RAPGEF5: variants seen among roughly 807,000 people sequenced by gnomAD.
RAPGEF5 encodes Rap guanine nucleotide exchange factor 5.
In RAPGEF5, 65 loss-of-function variants were observed where a neutral mutation model predicts 125.2. The ratio of observed to expected loss-of-function variants is 0.52; its 90% confidence interval spans 0.43 to 0.64. The LOEUF (loss-of-function observed/expected upper bound fraction) is 0.64, where lower values mean the gene tolerates loss of function less well. Ranked by LOEUF, RAPGEF5 falls within the 30% of genes least tolerant of loss-of-function variation. RAPGEF5 has a pLI of 0.00. For missense variants in RAPGEF5, 958 were observed against 1,048.1 expected (o/e 0.91, Z 1.19); for synonymous variants, 391 against 385.9 (o/e 1.01, Z -0.16).
intron 7 of RAPGEF5, among the ~76,000 whole-genome samples, chr7:22,244,974 C>T (rs541730987): frequency 7.2e-5 from 11 of 152,288 alleles, no homozygotes; most frequent in African/African-American, 2.4e-4. Context: ...TTCATATCCT[C>T]GTCAATACTT....
chr7:22,239,385 A>C (rs191507898), intron 7 of RAPGEF5, among the ~76,000 whole-genome samples: 1 of 152,168 alleles, frequency 6.6e-6, no homozygotes, highest in African/African-American at 2.4e-5. Context: ...GGTGTGCTGT[A>C]TGTTCGGGAA....
intron 24 of RAPGEF5, among the ~76,000 whole-genome samples, chr7:22,126,179 C>G (rs1782739226): frequency 6.6e-6 from 1 of 152,016 alleles, no homozygotes; most frequent in African/African-American, 2.4e-5. Context: ...CAGTAGCACC[C>G]AATCCGGGTT....
At chr7:22,317,434 G>T (rs1387407168) in intron 2 of RAPGEF5, among the ~76,000 whole-genome samples, 21 of 151,766 alleles carry the variant, frequency 1.4e-4, no homozygotes, top group African/African-American at 4.1e-4. Flanking sequence ...TAGAGATGGG[G>T]TTTCACCGTG....
intron 17 of RAPGEF5, among the ~76,000 whole-genome samples, chr7:22,151,836 T>G (rs1783640169): frequency 6.6e-6 from 1 of 152,226 alleles, no homozygotes; most frequent in Admixed American, 6.5e-5. Flanking sequence ...TTGTGTTTCT[T>G]AACTAGTAGG....
intron 1 of RAPGEF5, among the ~76,000 whole-genome samples, chr7:22,320,912 T>A (rs975128382): frequency 2.0e-5 from 3 of 152,182 alleles, no homozygotes; most frequent in Non-Finnish European, 2.9e-5. Flanking sequence ...CAATCTTAGA[T>A]GGCTGGTCAC....
At chr7:22,301,846 A>G (rs1473488610) in intron 5 of RAPGEF5, among the ~76,000 whole-genome samples, 1 of 152,116 alleles carries the variant, frequency 6.6e-6, no homozygotes, top group Non-Finnish European at 1.5e-5. Flanking sequence ...TTTCTCAGGA[A>G]ATAATTTTGG....
intron 9 of RAPGEF5, among the ~76,000 whole-genome samples, chr7:22,206,604 G>A (rs1785402146): frequency 6.6e-6 from 1 of 151,292 alleles, no homozygotes; most frequent in South Asian, 2.1e-4. Context: ...TCTGGAGGCT[G>A]AGGTGGGAGG....
intron 1 of RAPGEF5, among the ~76,000 whole-genome samples, chr7:22,354,280 A>G (rs1252878228): frequency 6.6e-6 from 1 of 152,140 alleles, no homozygotes; most frequent in African/African-American, 2.4e-5. Context: ...AACTCATGTA[A>G]TGCACAAAGC....
intron 5 of RAPGEF5, 133 bp from the exon 6 acceptor site, chr7:22,291,374 GT>G: frequency 7.3e-7 from 1 of 1,363,794 alleles, no homozygotes; most frequent in Non-Finnish European, 9.6e-7. Context: ...AATAACAAAG[GT>G]TGTGACAGTA....
intron 20 of RAPGEF5, 52 bp from the exon 21 acceptor site, chr7:22,140,167 G>A: frequency 6.8e-7 from 1 of 1,466,836 alleles, no homozygotes; most frequent in Non-Finnish European, 9.3e-7. Flanking sequence ...TCTTTCCCCA[G>A]ATAATCACAA....
Position 22,154,588 on chromosome 7 carries a change from A to G in RAPGEF5, c.1653T>C (p.Tyr551=), listed in dbSNP as rs1210696814. 1.2e-6 allele frequency: 2 copies of G among 1,613,388 alleles called. No individual in the cohort carries two copies. The highest frequency in any genetic ancestry group is 1.3e-5 in the African/African-American group (1 of 74,910). Residue 551 remains tyrosine, a synonymous_variant, in exon 17 of 26, where the codon TAT becomes TAC. Transcript: ENST00000665637. ...TETEEIFCHV[Y]ITEHSYVSVK... ...CACTGACATAGGAGTGCTCTGTTAT[A>G]TACACGTGGCAGAAAACTGCACAAG... is the stretch of plus-strand genomic sequence containing the variant.
At chr7:22,137,007 A>G in intron 21 of RAPGEF5, 24 bp from the exon 22 acceptor site, 1 of 1,529,048 alleles carries the variant, frequency 6.5e-7, no homozygotes, top group Non-Finnish European at 8.9e-7. Context: ...ACAAACAAAA[A>G]ACAGAAGGTC....
intron 11 of RAPGEF5, among the ~76,000 whole-genome samples, chr7:22,180,638 T>C (rs1784645663): frequency 6.6e-6 from 1 of 152,240 alleles, no homozygotes; most frequent in Admixed American, 6.5e-5. Flanking sequence ...TTCTGTTATA[T>C]GCAGCTGTGC....
At chr7:22,221,236 G>C (rs969449063) in intron 8 of RAPGEF5, among the ~76,000 whole-genome samples, 1 of 152,160 alleles carries the variant, frequency 6.6e-6, no homozygotes, top group Non-Finnish European at 1.5e-5. Context: ...TCCTTGGACA[G>C]GGACCTAAGT....
At chr7:22,139,321 G>A (rs190127296) in intron 21 of RAPGEF5, among the ~76,000 whole-genome samples, 3 of 152,292 alleles carry the variant, frequency 2.0e-5, no homozygotes, top group Admixed American at 2.0e-4. Context: ...ACATAGGGAG[G>A]TAGCCAGTCA....
chr7:22,228,532 G>C (rs1056443746), intron 8 of RAPGEF5, among the ~76,000 whole-genome samples: 1 of 151,954 alleles, frequency 6.6e-6, no homozygotes, highest in Non-Finnish European at 1.5e-5. Context: ...TTTTGAGATG[G>C]AGTCTCGCCC....
At chr7:22,291,528 G>C (rs1782935535) in intron 5 of RAPGEF5, among the ~76,000 whole-genome samples, 1 of 152,192 alleles carries the variant, frequency 6.6e-6, no homozygotes, top group Non-Finnish European at 1.5e-5. Flanking sequence ...TGACATGCCA[G>C]TTGTAAAATA....
intron 7 of RAPGEF5, among the ~76,000 whole-genome samples, chr7:22,255,080 A>T (rs777573401): frequency 2.6e-5 from 4 of 152,116 alleles, no homozygotes; most frequent in African/African-American, 4.8e-5. Context: ...TGTCATGGCA[A>T]ATAAGAGTTA....
At chr7:22,246,638 G>C (rs1174167387) in intron 7 of RAPGEF5, among the ~76,000 whole-genome samples, 1 of 152,032 alleles carries the variant, frequency 6.6e-6, no homozygotes, top group Non-Finnish European at 1.5e-5. Flanking sequence ...AGAAAACCTG[G>C]GAAGCACCAT....
Sources: allele counts gnomAD v4.1 joint callset (sites outside exome capture counted in the v4.1 genomes callset), GRCh38; gene constraint gnomAD v4.1.1; transcripts MANE v1.5; gene names NCBI Gene and HGNC (gene_info 2026-07-23, HGNC 2026-07-21).